ADAM32: variants seen among roughly 807,000 people sequenced by gnomAD.
ADAM32 encodes ADAM metallopeptidase domain 32.
In ADAM32, 89 loss-of-function variants were observed where a neutral mutation model predicts 114.9. The ratio of observed to expected loss-of-function variants is 0.77; its 90% CI spans 0.65 to 0.92. ADAM32 has a LOEUF of 0.92. Among genes scored for constraint, ADAM32 ranks in the 40% least tolerant of loss-of-function variants. The pLI, the probability that ADAM32 is intolerant of heterozygous loss-of-function variation, is 0.00. For synonymous variants in ADAM32, 285 were observed against 307.5 expected, an observed-to-expected ratio of 0.93 and a Z score of 0.77; for missense variants, 870 against 932.8, an observed-to-expected ratio of 0.93 and a Z score of 0.88.
intron 19 of ADAM32, among the ~76,000 whole-genome samples, chr8:39,265,390 A>G (rs1404357024): frequency 6.6e-6 from 1 of 152,074 alleles, no homozygotes; most frequent in African/African-American, 2.4e-5. Flanking sequence ...TATGGGTGTC[A>G]TTGCAGGTGA....
At chr8:39,143,140 A>G (rs981788791) in intron 3 of ADAM32, among the ~76,000 whole-genome samples, 2 of 151,900 alleles carry the variant, frequency 1.3e-5, no homozygotes, top group African/African-American at 4.8e-5. Flanking sequence ...CTTCCTTGTG[A>G]TGGGTTACAA....
At chr8:39,177,118 G>A (rs759842845) in intron 10 of ADAM32, among the ~76,000 whole-genome samples, 43 of 151,016 alleles carry the variant, frequency 2.8e-4, no homozygotes, top group Non-Finnish European at 5.6e-4. Context: ...GGAGTGCCAT[G>A]GCATGATTTC....
At chr8:39,281,596 A>G (rs1302058333) in intron 23 of ADAM32, among the ~76,000 whole-genome samples, 1 of 152,180 alleles carries the variant, frequency 6.6e-6, no homozygotes, top group Admixed American at 6.5e-5. Context: ...CCACTTAGGA[A>G]GAGTTTAGGA....
chr8:39,278,239 G>A (rs751297368), intron 22 of ADAM32, among the ~76,000 whole-genome samples: 9 of 152,192 alleles, frequency 5.9e-5, no homozygotes, highest in East Asian at 5.8e-4. Flanking sequence ...GCTGCCTCTC[G>A]TCTCTGCCAA....
At position 39,270,991 on chromosome 8, in the gene ADAM32, A is replaced by AT. The variant is rs11347842; in HGVS notation, c.2201+86dup. The AT allele has an allele frequency of 1.8e-3, 2,391 of 1,334,778 alleles. 19 individuals carry two copies. In the African/African-American group the frequency reaches 0.023, roughly 13 times the overall value. The allele number at this position is 1,334,778 out of a possible 1,614,324, so 82.7% of individuals were successfully genotyped here. On this transcript the variant is annotated intron_variant, in intron 20 of 24. Coordinates refer to ENST00000379907, the MANE Select transcript of ADAM32 (RefSeq NM_145004.7). ...ATTGATAATTCACAATTTATTTCCA[A>AT]TTTTTTTTTGAACATCAATTGGTAA...
At chr8:39,234,584 G>C (rs1809977705) in intron 16 of ADAM32, among the ~76,000 whole-genome samples, 2 of 151,938 alleles carry the variant, frequency 1.3e-5, no homozygotes, top group African/African-American at 4.8e-5. Flanking sequence ...TACTCTACAG[G>C]GTATTGTGAA....
intron 12 of ADAM32, 28 bp downstream of exon 12, chr8:39,211,352 T>A: frequency 7.0e-7 from 1 of 1,424,682 alleles, no homozygotes; most frequent in Non-Finnish European, 9.2e-7. Flanking sequence ...GAAAATTGAT[T>A]AATAAATTTA....
chr8:39,243,581 G>A (rs529449655), intron 16 of ADAM32, among the ~76,000 whole-genome samples: 12 of 152,166 alleles, frequency 7.9e-5, no homozygotes, highest in South Asian at 2.1e-4. Context: ...ATCCAACATC[G>A]CTTTATGATT....
At chr8:39,111,903 C>T (rs1840177240) in intron 1 of ADAM32, among the ~76,000 whole-genome samples, 1 of 152,056 alleles carries the variant, frequency 6.6e-6, no homozygotes, top group African/African-American at 2.4e-5. Context: ...ATTTATGTAT[C>T]AGTCTTTTCC....
rs757235462 is a variant in ADAM32, at chr8:39,211,343, A to T, written c.1233+19A>T. 1.7e-5 allele frequency: 24 copies of T among 1,438,832 alleles called. No homozygotes were observed. The highest frequency in any genetic ancestry group is 2.2e-5 in the Non-Finnish European group (24 of 1,094,556). 89.1% of individuals were successfully genotyped at this position (1,438,832 alleles called of 1,614,324 possible). A position where few individuals can be genotyped will look rare whatever the true frequency, so the allele number is the denominator to read the frequency against. Reference sequence around the variant, plus strand: ...TGAGGCTGTAAGTATGATAACTAGGAAAATTGATTAATAAATTTATTGTTT... The same window carrying T: ...TGAGGCTGTAAGTATGATAACTAGGTAAATTGATTAATAAATTTATTGTTT... On this transcript the variant is annotated intron_variant, in intron 12 of 24. Transcript: ENST00000379907.
At chr8:39,165,972 T>C (rs1804808924) in intron 9 of ADAM32, 1 of 152,188 alleles carries the variant, frequency 6.6e-6, no homozygotes, top group South Asian at 2.1e-4. Context: ...CTTCTGTAAT[T>C]GCCTTTTCTT....
At chr8:39,228,801 C>G (rs889475521) in intron 14 of ADAM32, among the ~76,000 whole-genome samples, 1 of 152,124 alleles carries the variant, frequency 6.6e-6, no homozygotes, top group African/African-American at 2.4e-5. Context: ...TGCTAGAGAC[C>G]TAGACATCCA....
At chr8:39,270,183 T>C (rs1196121920) in intron 19 of ADAM32, among the ~76,000 whole-genome samples, 1 of 152,234 alleles carries the variant, frequency 6.6e-6, no homozygotes, top group Non-Finnish European at 1.5e-5. Flanking sequence ...TGTTTAATTT[T>C]TCCTTTCTTA....
At chr8:39,207,070 T>C (rs1807891496) in intron 11 of ADAM32, among the ~76,000 whole-genome samples, 1 of 152,092 alleles carries the variant, frequency 6.6e-6, no homozygotes. Flanking sequence ...ACAATAGGAA[T>C]GTGGATGGCT....
intron 17 of ADAM32, among the ~76,000 whole-genome samples, chr8:39,249,347 C>A (rs1411175655): frequency 6.6e-6 from 1 of 152,152 alleles, no homozygotes; most frequent in Non-Finnish European, 1.5e-5. Context: ...TGCGATAAAT[C>A]TTGTTTGTGG....
intron 1 of ADAM32, among the ~76,000 whole-genome samples, chr8:39,116,141 TGTA>T (rs1840364268): frequency 6.6e-6 from 1 of 152,344 alleles, no homozygotes; most frequent in East Asian, 1.9e-4. Flanking sequence ...ACTGTAGCCT[TGTA>T]GTATAGTTTG....
intron 14 of ADAM32, among the ~76,000 whole-genome samples, chr8:39,224,980 A>T (rs1047324058): frequency 2.0e-5 from 3 of 152,192 alleles, no homozygotes; most frequent in South Asian, 2.1e-4. Context: ...GCCACTCAGC[A>T]TGTGCCATTG....
intron 19 of ADAM32, among the ~76,000 whole-genome samples, chr8:39,264,240 T>C (rs1812217422): frequency 6.6e-6 from 1 of 152,222 alleles, no homozygotes; most frequent in Non-Finnish European, 1.5e-5. Context: ...ATAATACTTG[T>C]AACTGATCTG....
intron 6 of ADAM32, among the ~76,000 whole-genome samples, chr8:39,159,778 A>G (rs927562935): frequency 6.6e-6 from 1 of 152,162 alleles, no homozygotes; most frequent in African/African-American, 2.4e-5. Context: ...ACAGCTCAAA[A>G]CACATAACCA....
Sources: gnomAD v4.1 joint callset for allele counts (sites outside exome capture counted in the v4.1 genomes callset) on GRCh38, gnomAD v4.1.1 for gene constraint, MANE v1.5 for transcripts, NCBI Gene and HGNC (gene_info 2026-07-23, HGNC 2026-07-21) for gene names.